Variants in CACNA2D3 observed in about 807,000 individuals in gnomAD.
CACNA2D3 encodes calcium voltage-gated channel auxiliary subunit alpha2delta 3.
A neutral mutation model predicts 160.6 loss-of-function variants in CACNA2D3; 60 were observed. That is an observed-to-expected ratio of 0.37 (90% CI 0.30 to 0.46). CACNA2D3 has a LOEUF of 0.46. Among genes scored for constraint, CACNA2D3 ranks in the 20% least tolerant of loss-of-function variants. The probability of loss-of-function intolerance (pLI) is 1.00; values close to 1 mark genes in which losing one functional copy is unlikely to be tolerated. For synonymous variants in CACNA2D3, 558 were observed against 492.9 expected (o/e 1.13, Z -1.75); for missense variants, 1,205 against 1,365.0 (o/e 0.88, Z 1.85).
At chr3:54,129,103 A>ATT (rs11391890) in intron 2 of CACNA2D3, among the ~76,000 whole-genome samples, 2 of 151,788 alleles carry the variant, frequency 1.3e-5, no homozygotes, top group African/African-American at 2.4e-5. Context: ...ATTTTTTGTG[A>ATT]TTTTCCTAAA....
intron 2 of CACNA2D3, among the ~76,000 whole-genome samples, chr3:54,248,438 G>A (rs1372142085): frequency 6.8e-6 from 1 of 146,698 alleles, no homozygotes; most frequent in Non-Finnish European, 1.5e-5. Context: ...CTGAGATTGT[G>A]CCACTGCACT....
At chr3:54,525,577 A>C (rs1559504399) in intron 5 of CACNA2D3, among the ~76,000 whole-genome samples, 1 of 152,192 alleles carries the variant, frequency 6.6e-6, no homozygotes. Context: ...TTTTTAAAAA[A>C]TAGCTATGCT....
intron 2 of CACNA2D3, among the ~76,000 whole-genome samples, chr3:54,168,935 T>C (rs897502364): frequency 6.6e-6 from 1 of 152,230 alleles, no homozygotes; most frequent in Non-Finnish European, 1.5e-5. Context: ...TGCACTGGCC[T>C]GAAATTCCCT....
At chr3:54,143,497 T>A (rs542465744) in intron 2 of CACNA2D3, among the ~76,000 whole-genome samples, 2 of 152,284 alleles carry the variant, frequency 1.3e-5, no homozygotes, top group African/African-American at 4.8e-5. Context: ...TTAATTTTTT[T>A]ATTTTTATTT....
At chr3:54,990,117 G>C (rs1190375040) in intron 31 of CACNA2D3, among the ~76,000 whole-genome samples, 1 of 152,176 alleles carries the variant, frequency 6.6e-6, no homozygotes, top group Non-Finnish European at 1.5e-5. Flanking sequence ...CTGGTGCTGT[G>C]GTTAGCCCAG....
intron 9 of CACNA2D3, chr3:54,626,491 G>T: frequency 1.9e-6 from 3 of 1,607,622 alleles, no homozygotes; most frequent in Non-Finnish European, 2.5e-6. Context: ...GGGCAGCATG[G>T]TGGGCGTCTA....
At chr3:54,803,711 A>G (rs969412822) in intron 13 of CACNA2D3, among the ~76,000 whole-genome samples, 1 of 152,196 alleles carries the variant, frequency 6.6e-6, no homozygotes, top group African/African-American at 2.4e-5. Context: ...AGAACGCCAC[A>G]AAGATACTCC....
intron 8 of CACNA2D3, among the ~76,000 whole-genome samples, chr3:54,572,481 G>A (rs1158556631): frequency 6.6e-6 from 1 of 152,224 alleles, no homozygotes; most frequent in Non-Finnish European, 1.5e-5. Context: ...TGGAGACAGA[G>A]GCATGAAGCC....
At chr3:54,631,911 A>C (rs1559532748) in intron 10 of CACNA2D3, among the ~76,000 whole-genome samples, 1 of 152,216 alleles carries the variant, frequency 6.6e-6, no homozygotes, top group African/African-American at 2.4e-5. Flanking sequence ...TAGCCAATTA[A>C]ATAAAATTCG....
chr3:54,977,739 T>C (rs1174041710), intron 29 of CACNA2D3, among the ~76,000 whole-genome samples: 3 of 152,116 alleles, frequency 2.0e-5, no homozygotes, highest in African/African-American at 4.8e-5. Flanking sequence ...CATCATGATG[T>C]TACCTGAAAG....
intron 5 of CACNA2D3, among the ~76,000 whole-genome samples, chr3:54,524,334 C>T (rs1249123792): frequency 6.6e-6 from 1 of 152,074 alleles, no homozygotes; most frequent in Non-Finnish European, 1.5e-5. Flanking sequence ...TTATTGAGTT[C>T]TAATTTTATT....
intron 2 of CACNA2D3, among the ~76,000 whole-genome samples, chr3:54,296,122 G>A (rs1287201403): frequency 6.6e-6 from 1 of 152,302 alleles, no homozygotes; most frequent in Admixed American, 6.5e-5. Context: ...TTTATGGAGG[G>A]AGGACTGGAC....
intron 9 of CACNA2D3, among the ~76,000 whole-genome samples, chr3:54,615,371 C>T (rs775870838): frequency 8.5e-5 from 13 of 152,162 alleles, no homozygotes; most frequent in Non-Finnish European, 1.3e-4. Context: ...CTCAATCTCA[C>T]CATCAATTAA....
chr3:54,382,687 G>A (rs1699123090), intron 3 of CACNA2D3, among the ~76,000 whole-genome samples: 1 of 152,224 alleles, frequency 6.6e-6, no homozygotes, highest in African/African-American at 2.4e-5. Context: ...AGGAGGCTGA[G>A]GCAGGAGAAT....
At chr3:54,144,756 G>T (rs780914050) in intron 2 of CACNA2D3, among the ~76,000 whole-genome samples, 5 of 152,288 alleles carry the variant, frequency 3.3e-5, no homozygotes, top group South Asian at 4.1e-4. Flanking sequence ...ATGCACTTAC[G>T]GAGTTATTAT....
At chr3:54,499,469 C>CT (rs1701253691) in intron 4 of CACNA2D3, among the ~76,000 whole-genome samples, 1 of 152,026 alleles carries the variant, frequency 6.6e-6, no homozygotes, top group Non-Finnish European at 1.5e-5. Context: ...ATATGCTCTT[C>CT]TTTTTCTAGT....
chr3:55,068,897 A>G (rs774515105), intron 35 of CACNA2D3, among the ~76,000 whole-genome samples: 1 of 152,218 alleles, frequency 6.6e-6, no homozygotes, highest in Non-Finnish European at 1.5e-5. Flanking sequence ...AATAGGGTGT[A>G]AAAGATTTCC....
chr3:54,886,990 A>G (rs1699942694), intron 23 of CACNA2D3, among the ~76,000 whole-genome samples: 1 of 125,650 alleles, frequency 8.0e-6, no homozygotes, highest in Non-Finnish European at 1.5e-5. Context: ...CCATGTGATA[A>G]TTAGTTATCC....
At chr3:54,739,448 A>C (rs1392798847) in intron 11 of CACNA2D3, among the ~76,000 whole-genome samples, 1 of 148,026 alleles carries the variant, frequency 6.8e-6, no homozygotes, top group East Asian at 1.9e-4. Flanking sequence ...AAAACAAAAA[A>C]AAAAACCACA....
Sources: gnomAD v4.1 joint callset for allele counts (sites outside exome capture counted in the v4.1 genomes callset) on GRCh38, gnomAD v4.1.1 for gene constraint, MANE v1.5 for transcripts, NCBI Gene and HGNC (gene_info 2026-07-23, HGNC 2026-07-21) for gene names.